Variants in PKN2 observed in about 807,000 individuals in gnomAD.
PKN2 encodes the protein protein kinase N2.
PKN2 carries 38 observed loss-of-function variants against 119.1 expected under a neutral mutation model. That is an observed-to-expected ratio of 0.32 (90% CI 0.25 to 0.42). The LOEUF is 0.42. Ranked by LOEUF, PKN2 falls within the 10% of genes least tolerant of loss-of-function variation. The pLI, the probability that PKN2 is intolerant of heterozygous loss-of-function variation, is 1.00. For missense variants in PKN2, 850 were observed against 1,165.1 expected (o/e 0.73, Z 3.94); for synonymous variants, 390 against 384.9 (o/e 1.01, Z -0.15).
At chr1:88,795,937 G>A (rs1175114709) in intron 8 of PKN2, among the ~76,000 whole-genome samples, 1 of 152,194 alleles carries the variant, frequency 6.6e-6, no homozygotes, top group Non-Finnish European at 1.5e-5. Flanking sequence ...ATATTTTACA[G>A]GTGAGCAATC....
chr1:88,713,818 A>G (rs976207942), intron 1 of PKN2, among the ~76,000 whole-genome samples: 8 of 152,092 alleles, frequency 5.3e-5, no homozygotes, highest in Admixed American at 1.3e-4. Context: ...TTTTGTTGCC[A>G]TTGCTTTTGG....
intron 19 of PKN2, among the ~76,000 whole-genome samples, chr1:88,831,141 A>G (rs555175003): frequency 3.3e-5 from 5 of 152,084 alleles, no homozygotes; most frequent in African/African-American, 9.6e-5. Context: ...GGTTTTAGAT[A>G]CTGTCAGTGT....
chr1:88,762,770 C>A (rs762875602), intron 3 of PKN2, among the ~76,000 whole-genome samples: 19 of 152,070 alleles, frequency 1.2e-4, no homozygotes, highest in Non-Finnish European at 2.6e-4. Flanking sequence ...CCAATAAAAT[C>A]TTTTAAGTTT....
At chr1:88,795,496 C>A (rs1239608318) in intron 8 of PKN2, among the ~76,000 whole-genome samples, 1 of 152,090 alleles carries the variant, frequency 6.6e-6, no homozygotes, top group East Asian at 1.9e-4. Flanking sequence ...TCTTCCTCAC[C>A]CTCCCATATG....
In PKN2 at chr1:88,833,177, A is replaced by G. The variant is rs767997488; in HGVS notation, c.2751+20A>G. ...TTCCGGGTAAGTGTGACTATTTAAAATTTTTTATGAAACTAGAGCGATTAG... is the reference window on the plus strand; with the variant it reads ...TTCCGGGTAAGTGTGACTATTTAAAGTTTTTTATGAAACTAGAGCGATTAG... On this transcript the variant is annotated intron_variant, in intron 21 of 21. Transcript: ENST00000370521. 10 of 1,610,918 alleles carry G rather than the reference A, an allele frequency of 6.2e-6. No homozygotes were observed. Among genetic ancestry groups the G allele is most frequent in the Middle Eastern group, 1.7e-4 (1 of 6,052 alleles).
rs754302902 is a variant in PKN2 at position 88,806,025 on chromosome 1, A to G, written c.1803+8A>G. 1.2e-6 allele frequency: 2 copies of G among 1,610,402 alleles called. No homozygotes were observed. Among genetic ancestry groups the G allele is most frequent in the Admixed American group, 1.7e-5 (1 of 59,996 alleles). ...TTGGATATACCAGGACAGGCAAGCC[A>G]TTTTAAACCTTGCATAATTCCTCTT... On this transcript the variant is annotated splice_region_variant and intron_variant, in intron 12 of 21. Transcript: ENST00000370521.
chr1:88,736,509 A>G (rs1332335021), intron 1 of PKN2, among the ~76,000 whole-genome samples: 1 of 152,038 alleles, frequency 6.6e-6, no homozygotes, highest in African/African-American at 2.4e-5. Flanking sequence ...GATTACAGGC[A>G]TGTACTTCCA....
At chr1:88,798,122 A>G (rs1299167760) in intron 8 of PKN2, among the ~76,000 whole-genome samples, 1 of 151,902 alleles carries the variant, frequency 6.6e-6, no homozygotes, top group African/African-American at 2.4e-5. Flanking sequence ...CAAAATAAAA[A>G]ACTATTAAAT....
chr1:88,809,926 A>G (rs542503481), intron 15 of PKN2, among the ~76,000 whole-genome samples: 1 of 152,038 alleles, frequency 6.6e-6, no homozygotes, highest in South Asian at 2.1e-4. Flanking sequence ...TTAAATCTCC[A>G]CTTTTCAGTA....
intron 1 of PKN2, among the ~76,000 whole-genome samples, chr1:88,726,240 C>G (rs1220443615): frequency 6.6e-6 from 1 of 152,134 alleles, no homozygotes; most frequent in East Asian, 1.9e-4. Flanking sequence ...TGAGAGCAGA[C>G]ATCCTTGTCC....
chr1:88,688,003 G>A (rs1477569265), intron 1 of PKN2, among the ~76,000 whole-genome samples: 1 of 152,118 alleles, frequency 6.6e-6, no homozygotes, highest in Non-Finnish European at 1.5e-5. Flanking sequence ...CAGGAAACAA[G>A]TTCAAGAATG....
chr1:88,816,133 C>A (rs538586722), intron 16 of PKN2, among the ~76,000 whole-genome samples: 264 of 112,314 alleles, frequency 2.4e-3, no homozygotes, highest in Middle Eastern at 0.013. Flanking sequence ...GAGTGAGACC[C>A]CCCCAAATTA....
Position 88,793,932 on chromosome 1 carries a change from C to A in PKN2, c.1281+7719C>A, listed in dbSNP as rs553550959. On this transcript the variant is annotated intron_variant, in intron 8 of 21. Transcript: ENST00000370521. ...TGGTTTAATCCACAGATAAGGAACCCACAGATACAGAGGGTGGACTGTATA... is the reference window on the plus strand; with the variant it reads ...TGGTTTAATCCACAGATAAGGAACCAACAGATACAGAGGGTGGACTGTATA... Among the ~76,000 whole-genome samples, 11 of 152,216 alleles carry A rather than the reference C, an allele frequency of 7.2e-5. No individual in the cohort carries two copies. In the East Asian group the frequency reaches 2.1e-3, roughly 29 times the overall value.
intron 1 of PKN2, among the ~76,000 whole-genome samples, chr1:88,687,961 A>G (rs1296957960): frequency 1.3e-5 from 2 of 152,226 alleles, no homozygotes; most frequent in Non-Finnish European, 2.9e-5. Context: ...ACAACAATCC[A>G]ATAAGGTAGG....
At chr1:88,720,313 C>T (rs1667622770) in intron 1 of PKN2, among the ~76,000 whole-genome samples, 1 of 152,136 alleles carries the variant, frequency 6.6e-6, no homozygotes. Flanking sequence ...AGCCACCGCG[C>T]CTGACCAAAA....
intron 6 of PKN2, among the ~76,000 whole-genome samples, chr1:88,774,821 G>C (rs1030630424): frequency 1.3e-5 from 2 of 151,958 alleles, no homozygotes; most frequent in East Asian, 3.9e-4. Flanking sequence ...CAATCCTCCT[G>C]CCTCAACCTC....
At chr1:88,705,709 A>G (rs1157523015) in intron 1 of PKN2, among the ~76,000 whole-genome samples, 1 of 152,102 alleles carries the variant, frequency 6.6e-6, no homozygotes, top group South Asian at 2.1e-4. Context: ...AAAAATATAT[A>G]TATATATATT....
At chr1:88,774,083 A>C (rs1669994929) in intron 6 of PKN2, among the ~76,000 whole-genome samples, 1 of 152,154 alleles carries the variant, frequency 6.6e-6, no homozygotes, top group South Asian at 2.1e-4. Flanking sequence ...AAAGGATACA[A>C]ATTAGGACCT....
chr1:88,779,893 A>G (rs1173647914), intron 6 of PKN2, among the ~76,000 whole-genome samples: 2 of 152,348 alleles, frequency 1.3e-5, no homozygotes, highest in East Asian at 3.9e-4. Flanking sequence ...CTGGGATACC[A>G]AAGTGAATTC....
Sources: allele counts gnomAD v4.1 joint callset (sites outside exome capture counted in the v4.1 genomes callset), GRCh38; gene constraint gnomAD v4.1.1; transcripts MANE v1.5; gene names NCBI Gene and HGNC (gene_info 2026-07-23, HGNC 2026-07-21).